The following HEMK2 variants were observed in gnomAD, a reference collection of about 807,000 sequenced individuals.
HEMK2 encodes HemK methyltransferase 2, ETF1 glutamine and histone H4 lysine, also known as methyltransferase HEMK2.
chr21:28,682,636 C>T, the HEMK2 span, among the ~76,000 whole-genome samples: 23 of 152,140 alleles, frequency 1.5e-4, no homozygotes, highest in Admixed American at 7.2e-4. Context: ...ACAATAGCAA[C>T]GACTTGGAAC....
chr21:28,831,510 A>AGAAGGAAAGAAG, the HEMK2 span, among the ~76,000 whole-genome samples: 1 of 88,032 alleles, frequency 1.1e-5, no homozygotes, highest in African/African-American at 5.7e-5. Flanking sequence ...AAAGAAAGAA[A>AGAAGGAAAGAAG]GAAAGAAAGA....
the HEMK2 span, among the ~76,000 whole-genome samples, chr21:28,588,711 C>T: frequency 6.6e-6 from 1 of 152,130 alleles, no homozygotes; most frequent in East Asian, 1.9e-4. Flanking sequence ...TGGCTCATGC[C>T]TATAATCCCA....
the HEMK2 span, among the ~76,000 whole-genome samples, chr21:28,755,921 G>A: frequency 2.0e-5 from 3 of 152,252 alleles, no homozygotes; most frequent in South Asian, 6.2e-4. Flanking sequence ...AGAAATAAAG[G>A]ATATATTCTA....
chr21:28,609,967 G>A, the HEMK2 span, among the ~76,000 whole-genome samples: 2 of 152,232 alleles, frequency 1.3e-5, no homozygotes, highest in Admixed American at 6.5e-5. Flanking sequence ...AAATCTGAAG[G>A]TGTGGAAAAC....
At chr21:28,665,967 T>A in the HEMK2 span, among the ~76,000 whole-genome samples, 1 of 152,226 alleles carries the variant, frequency 6.6e-6, no homozygotes, top group Non-Finnish European at 1.5e-5. Context: ...TTCTTCTCTA[T>A]AAAATAAACT....
At chr21:28,747,437 A>G in the HEMK2 span, among the ~76,000 whole-genome samples, 1 of 152,230 alleles carries the variant, frequency 6.6e-6, no homozygotes, top group Non-Finnish European at 1.5e-5. Context: ...AAACCTTCCA[A>G]GCCAATGGCT....
chr21:28,832,224 T>C, the HEMK2 span, among the ~76,000 whole-genome samples: 4 of 152,306 alleles, frequency 2.6e-5, no homozygotes, highest in East Asian at 3.9e-4. Context: ...TCTCACATTG[T>C]AGGGCAAATA....
At chr21:28,692,523 TA>T in the HEMK2 span, among the ~76,000 whole-genome samples, 1 of 152,034 alleles carries the variant, frequency 6.6e-6, no homozygotes, top group Non-Finnish European at 1.5e-5. Context: ...CTCTTTTAAA[TA>T]AAAACACTAT....
chr21:28,864,257 G>A, the HEMK2 span, among the ~76,000 whole-genome samples: 2 of 152,112 alleles, frequency 1.3e-5, no homozygotes, highest in African/African-American at 4.8e-5. Flanking sequence ...ACCTCCTTTT[G>A]CATAAATCTA....
chr21:28,603,549 ATG>A, the HEMK2 span, among the ~76,000 whole-genome samples: 4,789 of 135,722 alleles, frequency 0.035, 80 homozygotes, highest in African/African-American at 0.044. Flanking sequence ...GAGGATATAT[ATG>A]TGTGTGTGTG....
At chr21:28,599,816 T>C in the HEMK2 span, among the ~76,000 whole-genome samples, 2 of 152,182 alleles carry the variant, frequency 1.3e-5, no homozygotes, top group Non-Finnish European at 2.9e-5. Context: ...AATACACCCA[T>C]TCCAAATGAA....
chr21:28,881,663 G>C, the HEMK2 span, among the ~76,000 whole-genome samples: 1 of 89,562 alleles, frequency 1.1e-5, no homozygotes, highest in South Asian at 3.3e-4. Flanking sequence ...ACAGGGCTTT[G>C]TTCTGTTCCA....
the HEMK2 span, among the ~76,000 whole-genome samples, chr21:28,784,683 G>A: frequency 6.6e-6 from 1 of 152,136 alleles, no homozygotes; most frequent in Admixed American, 6.5e-5. Flanking sequence ...TGGGGACTTA[G>A]AGAACTTTTG....
At chr21:28,831,431 C>A in the HEMK2 span, among the ~76,000 whole-genome samples, 8 of 99,688 alleles carry the variant, frequency 8.0e-5, no homozygotes, top group South Asian at 1.5e-3. Flanking sequence ...GGTGACAGAG[C>A]GAGACTCTAT....
the HEMK2 span, among the ~76,000 whole-genome samples, chr21:28,668,497 G>C: frequency 2.2e-4 from 33 of 151,940 alleles, no homozygotes; most frequent in Non-Finnish European, 3.7e-4. Context: ...GAACACAAGA[G>C]AAAAAAAGCA....
the HEMK2 span, among the ~76,000 whole-genome samples, chr21:28,754,340 T>C: frequency 6.6e-6 from 1 of 152,278 alleles, no homozygotes; most frequent in Non-Finnish European, 1.5e-5. Context: ...GGCTTTGTTC[T>C]GAACTTGGCG....
At chr21:28,695,073 G>A in the HEMK2 span, among the ~76,000 whole-genome samples, 4 of 151,644 alleles carry the variant, frequency 2.6e-5, no homozygotes, top group African/African-American at 9.7e-5. Context: ...AGTCAGGTAT[G>A]AAGGCCAATA....
At chr21:28,818,293 C>T in the HEMK2 span, among the ~76,000 whole-genome samples, 180 of 152,114 alleles carry the variant, frequency 1.2e-3, 15 homozygotes, top group Non-Finnish European at 2.9e-5. Context: ...ACTCTTGGAC[C>T]TTTGACCACA....
the HEMK2 span, among the ~76,000 whole-genome samples, chr21:28,788,691 A>C: frequency 2.7e-5 from 4 of 149,136 alleles, no homozygotes; most frequent in African/African-American, 9.9e-5. Flanking sequence ...TAAAATAAAA[A>C]TCTTTAGGTA....
Sources: allele counts gnomAD v4.1 joint callset (sites outside exome capture counted in the v4.1 genomes callset), GRCh38; gene constraint gnomAD v4.1.1; transcripts MANE v1.5; gene names NCBI Gene and HGNC (gene_info 2026-07-23, HGNC 2026-07-21).